The following MRTFA variants were observed in gnomAD, a reference collection of about 807,000 sequenced individuals.
MRTFA encodes myocardin related transcription factor A, also known as myocardin-related transcription factor A.
Under a neutral mutation model 83.5 loss-of-function variants are expected in MRTFA, and 20 were observed. That is an observed-to-expected ratio of 0.24 (90% CI 0.17 to 0.35). MRTFA has a LOEUF of 0.35. Ranked by LOEUF, MRTFA falls within the 10% of genes least tolerant of loss-of-function variation. The probability of loss-of-function intolerance (pLI) is 1.00; values close to 1 mark genes in which losing one functional copy is unlikely to be tolerated. For synonymous variants in MRTFA, 659 were observed against 541.2 expected, an observed-to-expected ratio of 1.22 and a Z score of -3.02; for missense variants, 1,200 against 1,224.7, an observed-to-expected ratio of 0.98 and a Z score of 0.30.
At chr22:40,548,512 G>C (rs2055401418) in intron 3 of MRTFA, among the ~76,000 whole-genome samples, 1 of 151,886 alleles carries the variant, frequency 6.6e-6, no homozygotes, top group Non-Finnish European at 1.5e-5. Flanking sequence ...TAGGGGTTTT[G>C]AAAAGCCTTG....
intron 3 of MRTFA, among the ~76,000 whole-genome samples, chr22:40,491,471 C>T (rs2054270859): frequency 6.6e-6 from 1 of 152,138 alleles, no homozygotes. Flanking sequence ...AAAAAGCCTT[C>T]CAAGTGTTAT....
intron 4 of MRTFA, among the ~76,000 whole-genome samples, chr22:40,459,239 CA>C (rs59958160): frequency 0.088 from 7,577 of 86,468 alleles, 107 homozygotes; most frequent in East Asian, 0.14. Flanking sequence ...AGGGGTCTGG[CA>C]AAAAAAAAAA....
chr22:40,617,141 A>AGAAG (rs748254446), intron 1 of MRTFA, among the ~76,000 whole-genome samples: 159 of 121,492 alleles, frequency 1.3e-3, no homozygotes, highest in East Asian at 2.5e-3. Flanking sequence ...GAGAGACGAG[A>AGAAG]GAAGGAAGGA....
At chr22:40,495,324 C>T (rs903521513) in intron 3 of MRTFA, among the ~76,000 whole-genome samples, 10 of 151,952 alleles carry the variant, frequency 6.6e-5, no homozygotes, top group South Asian at 2.1e-4. Flanking sequence ...TGGTGGCGGG[C>T]GCCTGTAGTC....
At chr22:40,571,269 T>A (rs1164758157) in intron 2 of MRTFA, among the ~76,000 whole-genome samples, 2 of 151,948 alleles carry the variant, frequency 1.3e-5, no homozygotes, top group Non-Finnish European at 2.9e-5. Flanking sequence ...ACAAACATTA[T>A]CTCAGAATGG....
intron 3 of MRTFA, among the ~76,000 whole-genome samples, chr22:40,518,067 T>C (rs1278756664): frequency 1.3e-5 from 2 of 152,126 alleles, no homozygotes; most frequent in Non-Finnish European, 2.9e-5. Context: ...CATAACCCCC[T>C]CATAGCTCAC....
intron 14 of MRTFA, among the ~76,000 whole-genome samples, chr22:40,414,611 A>T (rs1224033397): frequency 6.6e-6 from 1 of 152,192 alleles, no homozygotes; most frequent in Non-Finnish European, 1.5e-5. Flanking sequence ...GCTGAGTGAA[A>T]TAAGCCAGAC....
In MRTFA at chr22:40,411,615, G is replaced by A. The variant is rs1848205189; in HGVS notation, c.2871C>T (p.Pro957=). 1.9e-6 allele frequency: 3 copies of A among 1,613,626 alleles called. No individual in the cohort carries two copies. Among genetic ancestry groups the A allele is most frequent in the Admixed American group, 1.7e-5 (1 of 59,984 alleles). Residue 957 remains proline, a synonymous_variant, in exon 15 of 15, where the codon CCC becomes CCT. Transcript: ENST00000355630. ...ATTCCGAGGTGTCCATGGGTGACGG[G>A]GGGTGGTCCAGGATGGCAGTGCTGC...
chr22:40,513,613 AAAAAAG>A (rs2054704698), intron 3 of MRTFA, among the ~76,000 whole-genome samples: 1 of 151,600 alleles, frequency 6.6e-6, no homozygotes, highest in South Asian at 2.1e-4. Flanking sequence ...AAAAAAAAAA[AAAAAAG>A]AAAAAGAAAA....
intron 1 of MRTFA, among the ~76,000 whole-genome samples, chr22:40,603,148 G>A (rs1367581778): frequency 3.9e-5 from 6 of 152,136 alleles, no homozygotes; most frequent in Admixed American, 6.5e-5. Flanking sequence ...CCCTCTGGCC[G>A]AAGCTCTAAA....
chr22:40,494,699 T>C (rs1018239944), intron 3 of MRTFA, among the ~76,000 whole-genome samples: 7 of 149,904 alleles, frequency 4.7e-5, no homozygotes, highest in African/African-American at 1.5e-4. Flanking sequence ...AAAAAAATTA[T>C]GGTACACCCC....
intron 3 of MRTFA, among the ~76,000 whole-genome samples, chr22:40,524,127 C>G (rs2054919301): frequency 6.6e-6 from 1 of 152,046 alleles, no homozygotes; most frequent in South Asian, 2.1e-4. Context: ...AAACCTGTCT[C>G]TCATTAAAAA....
intron 1 of MRTFA, among the ~76,000 whole-genome samples, chr22:40,609,737 A>G (rs887705590): frequency 6.6e-6 from 1 of 151,978 alleles, no homozygotes; most frequent in African/African-American, 2.4e-5. Flanking sequence ...AGGCTGAGGC[A>G]GGAGAATTGC....
At chr22:40,595,153 C>T (rs2056173454) in intron 1 of MRTFA, among the ~76,000 whole-genome samples, 1 of 140,722 alleles carries the variant, frequency 7.1e-6, no homozygotes, top group Non-Finnish European at 1.5e-5. Flanking sequence ...AGGAGTCTCG[C>T]TCTGTCGCCG....
intron 3 of MRTFA, among the ~76,000 whole-genome samples, chr22:40,492,210 G>A (rs372662653): frequency 3.3e-5 from 5 of 152,226 alleles, no homozygotes; most frequent in South Asian, 2.1e-4. Context: ...ATTATTTGCC[G>A]AAGATCTGAT....
chr22:40,509,779 C>T lies in MRTFA; in HGVS notation c.241+42327G>A, dbSNP rs1323415067. On this transcript the variant is annotated intron_variant, in intron 3 of 14. Coordinates refer to ENST00000355630, the MANE Select transcript of MRTFA (RefSeq NM_020831.6). ...TGTTTGGGCAGGTCTTGCTGAAATCCCCCTCCTCATAAGGAGGAATTTGAG... is the reference window on the plus strand; with the variant it reads ...TGTTTGGGCAGGTCTTGCTGAAATCTCCCTCCTCATAAGGAGGAATTTGAG... Among the ~76,000 whole-genome samples the T allele has an allele frequency of 3.9e-5, 6 of 152,034 alleles. No individual in the cohort carries two copies. In the South Asian group the frequency reaches 1.0e-3, roughly 26 times the overall value.
intron 3 of MRTFA, among the ~76,000 whole-genome samples, chr22:40,527,460 A>T (rs909136464): frequency 2.6e-5 from 4 of 151,804 alleles, no homozygotes; most frequent in Non-Finnish European, 5.9e-5. Context: ...AATCTTTTTA[A>T]AAAATAATGC....
At chr22:40,493,558 G>C (rs923804027) in intron 3 of MRTFA, among the ~76,000 whole-genome samples, 11 of 152,180 alleles carry the variant, frequency 7.2e-5, no homozygotes, top group African/African-American at 2.7e-4. Context: ...GAAAATGAAA[G>C]AGGAAAAATT....
intron 2 of MRTFA, among the ~76,000 whole-genome samples, chr22:40,585,786 A>T (rs2147367684): frequency 6.6e-6 from 1 of 152,352 alleles, no homozygotes; most frequent in East Asian, 1.9e-4. Flanking sequence ...ATAGTTGAGC[A>T]GAGAGATATA....
Sources: allele counts gnomAD v4.1 joint callset (sites outside exome capture counted in the v4.1 genomes callset), GRCh38; gene constraint gnomAD v4.1.1; transcripts MANE v1.5; gene names NCBI Gene and HGNC (gene_info 2026-07-23, HGNC 2026-07-21).